ADRA1A: variants seen among roughly 807,000 people sequenced by gnomAD.
ADRA1A encodes the protein adrenoceptor alpha 1A, also known as alpha-1A adrenergic receptor.
In ADRA1A, 31 loss-of-function variants were observed where a neutral mutation model predicts 29.6. The observed-to-expected ratio is 1.05, with a 90% CI of 0.79 to 1.41. The LOEUF (loss-of-function observed/expected upper bound fraction) is 1.41, where lower values mean the gene tolerates loss of function less well. Among genes scored for constraint, ADRA1A ranks in the 40% most tolerant of loss-of-function variants. The pLI, the probability that ADRA1A is intolerant of heterozygous loss-of-function variation, is 0.00. For synonymous variants in ADRA1A, 311 were observed against 254.3 expected (o/e 1.22, Z -2.12); for missense variants, 619 against 601.1 (o/e 1.03, Z -0.31).
intron 2 of ADRA1A, chr8:26,778,933 TAAAGTATAATAAA>T (rs1370030247): frequency 6.9e-6 from 1 of 145,228 alleles, no homozygotes; most frequent in Non-Finnish European, 1.5e-5. Flanking sequence ...CCCTAGAACT[TAAAGTATAATAAA>T]AAAAATATAT....
At chr8:26,756,017 G>A (rs1051748827), downstream of ADRA1A, among the ~76,000 whole-genome samples, 1 of 152,090 alleles carries the variant, frequency 6.6e-6, no homozygotes, top group Non-Finnish European at 1.5e-5. Context: ...GCACAAACAT[G>A]GAAGAACGGC....
chr8:26,759,627 G>T (rs1340655939), intron 2 of ADRA1A, among the ~76,000 whole-genome samples: 1 of 152,136 alleles, frequency 6.6e-6, no homozygotes, highest in Non-Finnish European at 1.5e-5. Context: ...GGGAGGCACT[G>T]TGGGGCACGA....
Position 26,806,793 on chromosome 8 carries a change from A to G in ADRA1A, c.884-36127T>C, listed in dbSNP as rs1055707325. On this transcript the variant is annotated intron_variant, in intron 2 of 2. Coordinates refer to ENST00000380573, the MANE Select transcript of ADRA1A (RefSeq NM_000680.4). The surrounding 1 kb of genome is among the most constrained non-coding windows in gnomAD (Gnocchi z 4.6). ...AGTGGCTGCTGCTAGAAGTGGCCTC[A>G]TGGAACATCCTAGAAAAGGAGAACC... is the stretch of plus-strand genomic sequence containing the variant. Among the ~76,000 whole-genome samples, 4 of 152,196 alleles carry G rather than the reference A, an allele frequency of 2.6e-5. No homozygotes were observed. The highest frequency in any genetic ancestry group is 9.7e-5 in the African/African-American group (4 of 41,440).
intron 2 of ADRA1A, among the ~76,000 whole-genome samples, chr8:26,804,161 T>C (rs769877280): frequency 9.9e-5 from 15 of 152,026 alleles, no homozygotes; most frequent in Non-Finnish European, 1.9e-4. Context: ...GGTCAAGTGA[T>C]CCTCCTGCCT....
rs1585790914 is a variant in ADRA1A at position 26,833,368 on chromosome 8, G to C, written c.883+30719C>G. Among the ~76,000 whole-genome samples the C allele has an allele frequency of 2.0e-5, 3 of 152,300 alleles. No homozygotes were observed. In the South Asian group the frequency reaches 6.2e-4, roughly 32 times the overall value. On this transcript the variant is annotated intron_variant, in intron 2 of 2. Transcript: ENST00000380573. ...GAATGGGTTGGGAATAGAACCAAGA[G>C]ATAAATTTTGTCTCCCTTTTGCTTG...
At chr8:26,785,415 G>A (rs867437000) in intron 2 of ADRA1A, among the ~76,000 whole-genome samples, 19 of 152,200 alleles carry the variant, frequency 1.2e-4, no homozygotes, top group South Asian at 1.0e-3. Context: ...CTACAAATAC[G>A]CAAGGATGTC....
rs879273440 is a variant in ADRA1A, at chr8:26,821,132, C to T, written c.883+42955G>A. On this transcript the variant is annotated intron_variant, in intron 2 of 2. Coordinates refer to ENST00000380573, the MANE Select transcript of ADRA1A (RefSeq NM_000680.4). The surrounding 1 kb of genome is among the most constrained non-coding windows in gnomAD (Gnocchi z 5.6). ...CTCAAACTCCTGACCTCAGGTGATC[C>T]ACCCACCTTGGCCTCGCAAAGTGCT... Among the ~76,000 whole-genome samples, 2 of 152,118 alleles carry T rather than the reference C, an allele frequency of 1.3e-5. No homozygotes were observed. Among genetic ancestry groups the T allele is most frequent in the Non-Finnish European group, 2.9e-5 (2 of 68,014 alleles).
chr8:26,849,432 AC>A (rs1210448866), intron 2 of ADRA1A, among the ~76,000 whole-genome samples: 1 of 152,236 alleles, frequency 6.6e-6, no homozygotes, highest in Non-Finnish European at 1.5e-5. Context: ...CAGTCATGCC[AC>A]CCGGAGGAGA....
chr8:26,863,501 C>A (rs1813631913), intron 2 of ADRA1A, among the ~76,000 whole-genome samples: 1 of 152,098 alleles, frequency 6.6e-6, no homozygotes, highest in Admixed American at 6.5e-5. Context: ...TTGGTTTGGA[C>A]ATAAAATCAT....
At chr8:26,845,342 T>G (rs1045922639) in intron 2 of ADRA1A, among the ~76,000 whole-genome samples, 7 of 152,086 alleles carry the variant, frequency 4.6e-5, no homozygotes, top group African/African-American at 9.7e-5. Context: ...GAAAAGACAC[T>G]CAGCATTATT....
chr8:26,758,501 C>T (rs1259020976), intron 2 of ADRA1A, among the ~76,000 whole-genome samples: 1 of 152,158 alleles, frequency 6.6e-6, no homozygotes, highest in African/African-American at 2.4e-5. Flanking sequence ...ATAGCTTTAT[C>T]ACCTCATAAG....
At chr8:26,835,549 C>G (rs865930660) in intron 2 of ADRA1A, among the ~76,000 whole-genome samples, 6 of 152,106 alleles carry the variant, frequency 3.9e-5, no homozygotes, top group African/African-American at 1.4e-4. Context: ...AAGGGAGAAG[C>G]CCCTTATAAA....
chr8:26,800,437 C>A (rs968237395), intron 2 of ADRA1A, among the ~76,000 whole-genome samples: 1 of 152,074 alleles, frequency 6.6e-6, no homozygotes, highest in African/African-American at 2.4e-5. Context: ...GGGGGAAAGT[C>A]TTTTCAACAA....
chr8:26,760,380 G>A (rs372139598), intron 2 of ADRA1A, among the ~76,000 whole-genome samples: 14 of 152,140 alleles, frequency 9.2e-5, no homozygotes, highest in East Asian at 7.7e-4. Context: ...GTCTTCAGAA[G>A]GTCGAAATTA....
At chr8:26,838,100 C>A (rs10503800) in intron 2 of ADRA1A, among the ~76,000 whole-genome samples, 53,496 of 152,054 alleles carry the variant, frequency 0.35, 9,716 homozygotes, top group East Asian at 0.45. Context: ...GAGTACAAAC[C>A]AGGACAGGCG....
At chr8:26,816,881 G>A (rs1778720028) in intron 2 of ADRA1A, among the ~76,000 whole-genome samples, 1 of 152,184 alleles carries the variant, frequency 6.6e-6, no homozygotes, top group Admixed American at 6.5e-5. Context: ...ACTCAAACAT[G>A]TCATAGACTC....
intron 2 of ADRA1A, among the ~76,000 whole-genome samples, chr8:26,829,815 C>T (rs1810837947): frequency 6.6e-6 from 1 of 152,106 alleles, no homozygotes; most frequent in Non-Finnish European, 1.5e-5. Context: ...TAACACATCA[C>T]TTATAGACAG....
intron 2 of ADRA1A, among the ~76,000 whole-genome samples, chr8:26,817,743 A>G (rs559240209): frequency 2.0e-5 from 3 of 152,264 alleles, no homozygotes; most frequent in East Asian, 3.9e-4. Flanking sequence ...TTGTCTCTGT[A>G]CTCCAGCCTG....
chr8:26,819,357 G>GA (rs929220319), intron 2 of ADRA1A, among the ~76,000 whole-genome samples: 25 of 144,674 alleles, frequency 1.7e-4, no homozygotes, highest in African/African-American at 6.4e-4. Context: ...AAAATCATAT[G>GA]AAAATATAAA....
Sources: allele counts gnomAD v4.1 joint callset (sites outside exome capture counted in the v4.1 genomes callset), GRCh38; gene constraint gnomAD v4.1.1; non-coding constraint Gnocchi (gnomAD v3.1); transcripts MANE v1.5; gene names NCBI Gene and HGNC (gene_info 2026-07-23, HGNC 2026-07-21).